Variants in STX17 observed in about 807,000 individuals in gnomAD.
The protein encoded by STX17 is syntaxin-17.
Under a neutral mutation model 35.9 loss-of-function variants are expected in STX17, and 29 were observed. The observed-to-expected ratio is 0.81, with a 90% confidence interval of 0.60 to 1.10. The LOEUF is 1.10. Ranked by LOEUF, STX17 falls within the 50% of genes least tolerant of loss-of-function variation. The pLI is 0.00. For synonymous variants in STX17, 92 were observed against 118.3 expected, an observed-to-expected ratio of 0.78 and a Z score of 1.44; for missense variants, 312 against 352.3, an observed-to-expected ratio of 0.89 and a Z score of 0.92.
chr9:99,926,229 A>C (rs1367206995), intron 2 of STX17, among the ~76,000 whole-genome samples: 2 of 151,942 alleles, frequency 1.3e-5, no homozygotes, highest in African/African-American at 4.8e-5. Flanking sequence ...CTACCTTCTT[A>C]AATACATGGA....
At chr9:99,945,173 C>T (rs1829455260) in intron 3 of STX17, among the ~76,000 whole-genome samples, 1 of 151,952 alleles carries the variant, frequency 6.6e-6, no homozygotes, top group African/African-American at 2.4e-5. Context: ...ATCCTTTTGT[C>T]CATTTGTTCT....
intron 2 of STX17, among the ~76,000 whole-genome samples, chr9:99,928,051 TTAATG>T (rs1829025235): frequency 6.6e-6 from 1 of 152,314 alleles, no homozygotes; most frequent in Admixed American, 6.5e-5. Context: ...AAAAATGTGT[TTAATG>T]TAACTATTCA....
chr9:99,950,071 A>G (rs572626690), intron 3 of STX17, among the ~76,000 whole-genome samples: 1 of 152,112 alleles, frequency 6.6e-6, no homozygotes, highest in African/African-American at 2.4e-5. Flanking sequence ...GAATATAAAG[A>G]TGACTCTACA....
rs1830053523 is a variant in STX17 at position 99,973,555 on chromosome 9, C to T, written c.*4882C>T. ...ATGAATCTTTCAACCTTAGTGGTCA[C>T]CAACTTGACTCCATTCCTTATATCA... On this transcript the variant is annotated 3_prime_UTR_variant, in exon 8 of 8. Transcript: ENST00000259400. 6.6e-6 allele frequency among the ~76,000 whole-genome samples: 1 copy of T among 152,194 alleles called. No individual in the cohort carries two copies. Among genetic ancestry groups the T allele is most frequent in the South Asian group, 2.1e-4 (1 of 4,834 alleles).
intron 6 of STX17, among the ~76,000 whole-genome samples, chr9:99,960,854 A>G (rs928876552): frequency 2.0e-5 from 3 of 152,250 alleles, no homozygotes; most frequent in African/African-American, 4.8e-5. Context: ...ATCAGCTCCA[A>G]GGAAAAGCAT....
chr9:99,922,367 G>A (rs1206106936), intron 2 of STX17, among the ~76,000 whole-genome samples: 1 of 152,140 alleles, frequency 6.6e-6, no homozygotes, highest in African/African-American at 2.4e-5. Context: ...TAGACTGAAG[G>A]AGGCAAGGAC....
chr9:99,960,681 A>G (rs996039035), intron 6 of STX17, among the ~76,000 whole-genome samples: 2 of 152,086 alleles, frequency 1.3e-5, no homozygotes, highest in African/African-American at 4.8e-5. Context: ...TGACCTCATG[A>G]TCCACCCGCC....
At chr9:99,917,234 T>TC (rs1161856622) in intron 2 of STX17, among the ~76,000 whole-genome samples, 2 of 152,314 alleles carry the variant, frequency 1.3e-5, no homozygotes, top group East Asian at 3.9e-4. Context: ...CATTCCACTG[T>TC]CTCTAGGATG....
intron 2 of STX17, among the ~76,000 whole-genome samples, chr9:99,927,639 TAATTTTTTTGTACTTTTAGTAGA>T (rs1478305285): frequency 6.6e-6 from 1 of 152,048 alleles, no homozygotes; most frequent in African/African-American, 2.4e-5. Flanking sequence ...CATGCCCAGA[TAATTTTTTTGTACTTTTAGTAGA>T]GACGGGGTTT....
Position 99,914,692 on chromosome 9 carries a change from A to T in STX17, c.-62-486A>T, listed in dbSNP as rs146963479. On this transcript the variant is annotated intron_variant, in intron 1 of 7. Transcript: ENST00000259400. ...TGAAGTTGTGTAATTACAAAGTTAC[A>T]TTATGATGACATTAGACATGAAGTT... Among the ~76,000 whole-genome samples, 11 of 152,326 alleles carry T rather than the reference A, an allele frequency of 7.2e-5. No individual in the cohort carries two copies. The East Asian group carries it at 1.9e-3, about 27-fold the overall frequency.
At chr9:99,945,834 C>T (rs958194749) in intron 3 of STX17, 58 of 277,940 alleles carry the variant, frequency 2.1e-4, no homozygotes, top group African/African-American at 1.2e-3. Flanking sequence ...GTAATCCCAG[C>T]ACTTTGGGAG....
chr9:99,924,403 T>C (rs1828949381), intron 2 of STX17, among the ~76,000 whole-genome samples: 1 of 151,858 alleles, frequency 6.6e-6, no homozygotes. Flanking sequence ...ATATATATTA[T>C]ATATATGTAA....
At chr9:99,967,841 C>A in intron 7 of STX17, 102 bp downstream of exon 7, 1 of 965,708 alleles carries the variant, frequency 1.0e-6, no homozygotes, top group Non-Finnish European at 1.7e-6. Flanking sequence ...AGGGAACCAG[C>A]AATTAAGGAA....
At chr9:99,913,257 T>G (rs1380528168) in intron 1 of STX17, among the ~76,000 whole-genome samples, 1 of 152,134 alleles carries the variant, frequency 6.6e-6, no homozygotes, top group African/African-American at 2.4e-5. Context: ...ATATTCTCTT[T>G]GAATAATTCC....
At chr9:99,921,178 G>C (rs1371740284) in intron 2 of STX17, among the ~76,000 whole-genome samples, 1 of 152,132 alleles carries the variant, frequency 6.6e-6, no homozygotes, top group African/African-American at 2.4e-5. Context: ...TAACATGCTT[G>C]AAATGTAGTG....
At chr9:99,931,712 G>C (rs1015256571) in intron 3 of STX17, among the ~76,000 whole-genome samples, 12 of 152,104 alleles carry the variant, frequency 7.9e-5, no homozygotes, top group African/African-American at 2.9e-4. Context: ...TCTATTGGAT[G>C]TTGGAACTCT....
intron 1 of STX17, chr9:99,907,011 C>T (rs1828563738): frequency 6.6e-6 from 1 of 152,290 alleles, no homozygotes; most frequent in South Asian, 2.1e-4. Context: ...GCTGTAGGCC[C>T]CGGGTCGCCA....
In STX17 at chr9:99,967,341, G is replaced by T. The variant is rs1268601257; in HGVS notation, c.583-312G>T. The T allele has an allele frequency of 3.1e-5, 6 of 194,926 alleles. No individual in the cohort carries two copies. The East Asian group carries it at 6.9e-4, about 22-fold the overall frequency. The allele number at this position is 194,926 out of a possible 1,614,324, so 12.1% of individuals were successfully genotyped here. On this transcript the variant is annotated intron_variant, in intron 6 of 7. Coordinates refer to ENST00000259400, the MANE Select transcript of STX17 (RefSeq NM_017919.3). ...CAACATGACATGTAAATGCTTATTT[G>T]GATTTTTTTTTTCTGGAAAGTAGAT...
intron 3 of STX17, among the ~76,000 whole-genome samples, chr9:99,947,425 CTGT>C (rs1829506220): frequency 6.6e-6 from 1 of 152,014 alleles, no homozygotes; most frequent in Non-Finnish European, 1.5e-5. Context: ...TTTCTGTTGC[CTGT>C]TGTTTTTGCT....
Sources: gnomAD v4.1 joint callset for allele counts (sites outside exome capture counted in the v4.1 genomes callset) on GRCh38, gnomAD v4.1.1 for gene constraint, MANE v1.5 for transcripts, NCBI Gene and HGNC (gene_info 2026-07-23, HGNC 2026-07-21) for gene names.